The following ASTN2 variants were observed in gnomAD, a reference collection of about 807,000 sequenced individuals.
ASTN2 encodes astrotactin 2.
A neutral mutation model predicts 139.8 loss-of-function variants in ASTN2; 54 were observed. That is an observed-to-expected ratio of 0.39 (90% CI 0.31 to 0.48). The LOEUF is 0.48. Ranked by LOEUF, ASTN2 falls within the 20% of genes least tolerant of loss-of-function variation. ASTN2 has a pLI of 0.95. For synonymous variants in ASTN2, 756 were observed against 719.5 expected, an observed-to-expected ratio of 1.05 and a Z score of -0.81; for missense variants, 1,565 against 1,725.1, an observed-to-expected ratio of 0.91 and a Z score of 1.64.
At chr9:116,860,153 C>G (rs548344182) in intron 11 of ASTN2, among the ~76,000 whole-genome samples, 1 of 152,120 alleles carries the variant, frequency 6.6e-6, no homozygotes, top group Admixed American at 6.5e-5. Flanking sequence ...CTAGGCCTTA[C>G]AGGTACATTG....
At chr9:116,940,504 G>T (rs1835193438) in intron 10 of ASTN2, among the ~76,000 whole-genome samples, 1 of 152,122 alleles carries the variant, frequency 6.6e-6, no homozygotes, top group African/African-American at 2.4e-5. Flanking sequence ...AAGCTAATGT[G>T]TGTGTTCATA....
rs1011576923 is a variant in ASTN2, at chr9:116,496,359, G to A, written c.3356-8859C>T. On this transcript the variant is annotated intron_variant, in intron 19 of 22. Coordinates refer to ENST00000313400, the MANE Select transcript of ASTN2 (RefSeq NM_001365068.1). ...GAGCACAAGCATAAAGAACACTTTC[G>A]TTTGAATTCCCTGGAAAGCAGAGCT... Among the ~76,000 whole-genome samples the A allele has an allele frequency of 9.9e-5, 15 of 152,164 alleles. No individual in the cohort carries two copies. The East Asian group carries it at 1.9e-3, about 20-fold the overall frequency.
At chr9:116,959,654 G>T (rs1835822615) in intron 10 of ASTN2, among the ~76,000 whole-genome samples, 1 of 152,132 alleles carries the variant, frequency 6.6e-6, no homozygotes, top group Admixed American at 6.5e-5. Context: ...ATAACTCCCA[G>T]CTCAGAAAGG....
chr9:116,426,133 A>G lies in ASTN2; in HGVS notation c.3783-45T>C, dbSNP rs200472953. 46 of 1,602,194 alleles carry G rather than the reference A, an allele frequency of 2.9e-5. No individual in the cohort carries two copies. The East Asian group carries it at 9.6e-4, about 33-fold the overall frequency. On this transcript the variant is annotated intron_variant, in intron 22 of 22. Coordinates refer to ENST00000313400, the MANE Select transcript of ASTN2 (RefSeq NM_001365068.1). The stretch of plus-strand genomic sequence containing the variant: ...AGCCATGATTAAAGAAGTCCAGATC[A>G]AGAGTTAGACCTTTGAGGTAGTAAA...
intron 19 of ASTN2, among the ~76,000 whole-genome samples, chr9:116,492,233 C>G (rs968078297): frequency 6.6e-6 from 1 of 152,032 alleles, no homozygotes; most frequent in Admixed American, 6.5e-5. Flanking sequence ...AGGTGCCCAC[C>G]ACCATGCCTG....
At chr9:116,873,650 T>C (rs1833221360) in intron 10 of ASTN2, among the ~76,000 whole-genome samples, 1 of 152,234 alleles carries the variant, frequency 6.6e-6, no homozygotes. Context: ...TTTGGCTGTG[T>C]GTCCCCACCC....
intron 13 of ASTN2, among the ~76,000 whole-genome samples, chr9:116,796,118 T>A (rs1377308356): frequency 6.6e-6 from 1 of 152,216 alleles, no homozygotes; most frequent in Non-Finnish European, 1.5e-5. Flanking sequence ...AGGACAGATA[T>A]GAAACAGGTT....
At chr9:116,921,566 C>A (rs1008870927) in intron 10 of ASTN2, among the ~76,000 whole-genome samples, 1 of 125,446 alleles carries the variant, frequency 8.0e-6, no homozygotes, top group Non-Finnish European at 1.5e-5. Flanking sequence ...CCAGCCTGGG[C>A]GACCGAGCGA....
chr9:116,546,527 A>C (rs1180714422), intron 19 of ASTN2: 1 of 152,198 alleles, frequency 6.6e-6, no homozygotes, highest in Non-Finnish European at 1.5e-5. Flanking sequence ...AGAGATAGGC[A>C]TGGGTCTGAA....
chr9:116,851,644 T>A (rs1015647704), intron 11 of ASTN2, among the ~76,000 whole-genome samples: 3 of 152,156 alleles, frequency 2.0e-5, no homozygotes, highest in African/African-American at 7.2e-5. Context: ...CTAAATATTC[T>A]TGTATGTGCA....
intron 13 of ASTN2, among the ~76,000 whole-genome samples, chr9:116,760,671 G>A (rs1829651575): frequency 1.3e-5 from 2 of 152,076 alleles, no homozygotes; most frequent in African/African-American, 4.8e-5. Flanking sequence ...CTGGGGAAGG[G>A]GGAGGGGAGA....
chr9:117,222,372 C>T lies in ASTN2; in HGVS notation c.631-7630G>A, dbSNP rs185100097. Among the ~76,000 whole-genome samples the T allele has an allele frequency of 1.4e-4, 22 of 152,292 alleles. No individual in the cohort carries two copies. In the East Asian group the frequency reaches 4.2e-3, roughly 29 times the overall value. On this transcript the variant is annotated intron_variant, in intron 2 of 22. Coordinates refer to ENST00000313400, the MANE Select transcript of ASTN2 (RefSeq NM_001365068.1). ...AGAAGGCATGGTGCCAAGTATCCAA[C>T]CACAGTGAAACTCTCTGCTCCCAGT...
At chr9:117,303,718 A>G (rs1440713981) in intron 1 of ASTN2, among the ~76,000 whole-genome samples, 1 of 152,204 alleles carries the variant, frequency 6.6e-6, no homozygotes, top group Non-Finnish European at 1.5e-5. Context: ...AGTAGACTAC[A>G]CAAACAGTCA....
At chr9:116,953,941 C>A (rs578087468) in intron 10 of ASTN2, among the ~76,000 whole-genome samples, 55 of 152,262 alleles carry the variant, frequency 3.6e-4, no homozygotes, top group African/African-American at 1.3e-3. Context: ...GACAGAGAAC[C>A]TTGTGCTAGT....
At chr9:117,003,734 C>T (rs1476940767) in intron 7 of ASTN2, among the ~76,000 whole-genome samples, 1 of 151,662 alleles carries the variant, frequency 6.6e-6, no homozygotes, top group African/African-American at 2.4e-5. Context: ...AGGTCAGACC[C>T]ACAGGCACTC....
intron 20 of ASTN2, among the ~76,000 whole-genome samples, chr9:116,450,279 C>T (rs887225217): frequency 1.4e-4 from 22 of 152,162 alleles, no homozygotes; most frequent in East Asian, 1.3e-3. Flanking sequence ...ATCACAGCAT[C>T]GTCAAGGCCT....
chr9:116,838,116 GT>G, intron 11 of ASTN2, among the ~76,000 whole-genome samples: 1 of 126,522 alleles, frequency 7.9e-6, no homozygotes, highest in South Asian at 2.7e-4. Flanking sequence ...TTTTTGTTTT[GT>G]TTTGTTTTTT....
At position 116,617,268 on chromosome 9, in the gene ASTN2, A is replaced by T. The variant is rs532221116; in HGVS notation, c.3355+1056T>A. 9.8e-5 allele frequency among the ~76,000 whole-genome samples: 15 copies of T among 152,302 alleles called. No individual in the cohort carries two copies. In the East Asian group the frequency reaches 2.9e-3, roughly 29 times the overall value. ...GCCCAGAGAGGAATGGGAGAGGTGT[A>T]GGAGAGAGACAGGTAGAAGACAGGA... On this transcript the variant is annotated intron_variant, in intron 19 of 22. Coordinates refer to ENST00000313400, the MANE Select transcript of ASTN2 (RefSeq NM_001365068.1).
At chr9:116,812,084 T>G (rs960137062) in intron 12 of ASTN2, among the ~76,000 whole-genome samples, 4 of 152,200 alleles carry the variant, frequency 2.6e-5, no homozygotes, top group Non-Finnish European at 5.9e-5. Flanking sequence ...TGAGTGTGTG[T>G]GTGTACATAC....
Sources: gnomAD v4.1 joint callset for allele counts (sites outside exome capture counted in the v4.1 genomes callset) on GRCh38, gnomAD v4.1.1 for gene constraint, MANE v1.5 for transcripts, NCBI Gene and HGNC (gene_info 2026-07-23, HGNC 2026-07-21) for gene names.